The following CATSPERT variants were observed in gnomAD, a reference collection of about 807,000 sequenced individuals.
The protein encoded by CATSPERT is catsper channel auxiliary subunit tau, also known as cation channel sperm-associated targeting subunit tau.
chr2:201,492,369 G>C, the CATSPERT span: 1 of 1,534,760 alleles, frequency 6.5e-7, no homozygotes, highest in Non-Finnish European at 8.7e-7. Context: ...GACTCTGGAG[G>C]TGTTTGCTTA....
chr2:201,556,006 A>G, the CATSPERT span: 1 of 152,198 alleles, frequency 6.6e-6, no homozygotes, highest in African/African-American at 2.4e-5. Context: ...TGCTACTCCT[A>G]TCACTTAATG....
At chr2:201,544,204 C>T in the CATSPERT span, among the ~76,000 whole-genome samples, 1 of 152,132 alleles carries the variant, frequency 6.6e-6, no homozygotes, top group African/African-American at 2.4e-5. Flanking sequence ...TTTTTTATGG[C>T]TGCATAGTAT....
chr2:201,516,303 GA>G, the CATSPERT span, among the ~76,000 whole-genome samples: 1 of 152,188 alleles, frequency 6.6e-6, no homozygotes, highest in South Asian at 2.1e-4. Context: ...AATTTACAAG[GA>G]AAAAAGGTTT....
chr2:201,536,243 A>G, the CATSPERT span: 4 of 1,613,286 alleles, frequency 2.5e-6, no homozygotes, highest in African/African-American at 5.3e-5. Flanking sequence ...TTTTAGAAGC[A>G]TCAGCAGTTG....
the CATSPERT span, among the ~76,000 whole-genome samples, chr2:201,502,489 T>C: frequency 6.6e-6 from 1 of 151,622 alleles, no homozygotes; most frequent in East Asian, 1.9e-4. Context: ...GGAGAATCTC[T>C]TCAACCTGGG....
chr2:201,571,969 G>C, the CATSPERT span: 5 of 1,613,348 alleles, frequency 3.1e-6, no homozygotes, highest in Non-Finnish European at 4.2e-6. Context: ...TCTGGAGGTG[G>C]TGCAAGATTC....
chr2:201,501,416 AAAAG>A, the CATSPERT span, among the ~76,000 whole-genome samples: 8 of 150,474 alleles, frequency 5.3e-5, no homozygotes, highest in East Asian at 1.9e-4. Flanking sequence ...AAAAAAAAAA[AAAAG>A]AAAGATCTCA....
the CATSPERT span, among the ~76,000 whole-genome samples, chr2:201,540,672 T>C: frequency 6.6e-6 from 1 of 152,238 alleles, no homozygotes; most frequent in African/African-American, 2.4e-5. Flanking sequence ...ACAATGCACC[T>C]GGTCATCCAA....
chr2:201,609,511 T>C, the CATSPERT span, among the ~76,000 whole-genome samples: 1 of 152,140 alleles, frequency 6.6e-6, no homozygotes, highest in South Asian at 2.1e-4. Flanking sequence ...CACAATGGAA[T>C]AAAACTAGAA....
chr2:201,545,976 CT>C, the CATSPERT span, among the ~76,000 whole-genome samples: 1 of 152,002 alleles, frequency 6.6e-6, no homozygotes, highest in Non-Finnish European at 1.5e-5. Context: ...AAACAGATTA[CT>C]TTTTTTATTA....
chr2:201,607,776 C>T, the CATSPERT span, among the ~76,000 whole-genome samples: 1 of 152,176 alleles, frequency 6.6e-6, no homozygotes, highest in Non-Finnish European at 1.5e-5. Context: ...CGTTGCAATC[C>T]TCACTCCTTG....
chr2:201,521,965 G>T, the CATSPERT span, among the ~76,000 whole-genome samples: 1 of 151,984 alleles, frequency 6.6e-6, no homozygotes, highest in African/African-American at 2.4e-5. Context: ...TCTTAATTAG[G>T]TATAAAAGGA....
At chr2:201,487,975 T>G in the CATSPERT span, 4 of 1,238,346 alleles carry the variant, frequency 3.2e-6, no homozygotes, top group Non-Finnish European at 3.3e-6. Flanking sequence ...TACAAGGACT[T>G]CTGACATGGA....
chr2:201,487,706 C>G, the CATSPERT span: 14 of 1,614,108 alleles, frequency 8.7e-6, no homozygotes, highest in Middle Eastern at 1.6e-4. Flanking sequence ...TGAAACCATT[C>G]GACGACTTGT....
chr2:201,492,008 G>A, the CATSPERT span: 1 of 1,536,656 alleles, frequency 6.5e-7, no homozygotes, highest in Non-Finnish European at 8.7e-7. Context: ...ATTAAACTTG[G>A]TGTTTTAGCT....
the CATSPERT span, chr2:201,494,161 T>C: frequency 1.1e-5 from 17 of 1,532,234 alleles, no homozygotes; most frequent in African/African-American, 1.4e-5. Flanking sequence ...TTGTTTTTTT[T>C]CCAATACGTT....
chr2:201,494,566 G>A, the CATSPERT span: 5 of 1,536,844 alleles, frequency 3.3e-6, no homozygotes, highest in South Asian at 3.6e-5. Flanking sequence ...AGGGTCATGG[G>A]CCCAGGTTGT....
chr2:201,571,987 T>C, the CATSPERT span: 1 of 1,613,410 alleles, frequency 6.2e-7, no homozygotes, highest in Non-Finnish European at 8.5e-7. Context: ...TTCATAAACA[T>C]GGATGGCTCA....
chr2:201,536,810 T>C, the CATSPERT span, among the ~76,000 whole-genome samples: 4 of 151,940 alleles, frequency 2.6e-5, no homozygotes, highest in Non-Finnish European at 5.9e-5. Context: ...AAATTCTCTA[T>C]ATTATCTTCT....
Sources: allele counts gnomAD v4.1 joint callset (sites outside exome capture counted in the v4.1 genomes callset), GRCh38; gene constraint gnomAD v4.1.1; transcripts MANE v1.5; gene names NCBI Gene and HGNC (gene_info 2026-07-23, HGNC 2026-07-21).